CPQ: variants seen among roughly 807,000 people sequenced by gnomAD.
CPQ encodes the protein carboxypeptidase Q, also known as Ser-Met dipeptidase.
In CPQ, 37 loss-of-function variants were observed where a neutral mutation model predicts 45.7. The ratio of observed to expected loss-of-function variants is 0.81; its 90% CI spans 0.62 to 1.07. The LOEUF (loss-of-function observed/expected upper bound fraction) is 1.07, where lower values mean the gene tolerates loss of function less well. Among genes scored for constraint, CPQ ranks in the 50% least tolerant of loss-of-function variants. CPQ has a pLI of 0.00. For missense variants in CPQ, 537 were observed against 572.9 expected (o/e 0.94, Z 0.64); for synonymous variants, 186 against 205.8 (o/e 0.90, Z 0.82).
intron 7 of CPQ, among the ~76,000 whole-genome samples, chr8:97,125,837 T>C (rs1811837708): frequency 6.6e-6 from 1 of 152,176 alleles, no homozygotes; most frequent in Admixed American, 6.5e-5. Context: ...ACCACTTCTA[T>C]TTAAACATCA....
chr8:96,887,310 A>G (rs1315757570), intron 4 of CPQ, among the ~76,000 whole-genome samples: 1 of 152,222 alleles, frequency 6.6e-6, no homozygotes, highest in Non-Finnish European at 1.5e-5. Context: ...ATGATCAGTG[A>G]TAACATCTTA....
At chr8:96,783,542 A>C (rs1422340988) in intron 1 of CPQ, among the ~76,000 whole-genome samples, 1 of 152,148 alleles carries the variant, frequency 6.6e-6, no homozygotes, top group Non-Finnish European at 1.5e-5. Context: ...TCCTGAATAC[A>C]TTTTGAAAGT....
chr8:97,084,906 A>G (rs1811015304), intron 7 of CPQ, among the ~76,000 whole-genome samples: 1 of 151,674 alleles, frequency 6.6e-6, no homozygotes, highest in Non-Finnish European at 1.5e-5. Flanking sequence ...TCTCTTACCC[A>G]TCTACACACC....
intron 7 of CPQ, among the ~76,000 whole-genome samples, chr8:97,074,486 G>A (rs926655718): frequency 2.0e-5 from 3 of 152,038 alleles, no homozygotes; most frequent in African/African-American, 7.2e-5. Context: ...TATAAGAATG[G>A]ACAGGCCAGG....
intron 4 of CPQ, among the ~76,000 whole-genome samples, chr8:96,923,339 AG>A (rs1200130103): frequency 1.3e-5 from 2 of 152,192 alleles, no homozygotes; most frequent in Non-Finnish European, 2.9e-5. Flanking sequence ...AACCCCCATT[AG>A]CCCATGAAAT....
chr8:97,099,215 C>T (rs1052660589), intron 7 of CPQ, among the ~76,000 whole-genome samples: 1 of 139,804 alleles, frequency 7.2e-6, no homozygotes, highest in African/African-American at 2.6e-5. Flanking sequence ...ACTGCAACAT[C>T]CACCTCCCAG....
chr8:96,883,610 C>A (rs1028762319), intron 4 of CPQ, among the ~76,000 whole-genome samples: 1 of 152,184 alleles, frequency 6.6e-6, no homozygotes, highest in Non-Finnish European at 1.5e-5. Context: ...TGCATTCTAG[C>A]TGGCCTGGAA....
chr8:96,694,241 TA>T (rs1264198424), intron 1 of CPQ, among the ~76,000 whole-genome samples: 5 of 151,008 alleles, frequency 3.3e-5, no homozygotes, highest in South Asian at 2.1e-4. Context: ...AAACAAATAA[TA>T]AAATGGCAGG....
At chr8:97,123,367 A>G (rs995113218) in intron 7 of CPQ, among the ~76,000 whole-genome samples, 4 of 149,918 alleles carry the variant, frequency 2.7e-5, no homozygotes, top group African/African-American at 9.7e-5. Context: ...ATAATGATAT[A>G]ATAGGAAAAA....
At chr8:96,955,659 C>G (rs746471023) in intron 4 of CPQ, among the ~76,000 whole-genome samples, 2 of 152,176 alleles carry the variant, frequency 1.3e-5, no homozygotes, top group Non-Finnish European at 2.9e-5. Context: ...CAGCATGGTA[C>G]TGGTACCAAA....
chr8:96,916,170 A>T (rs974303369), intron 4 of CPQ, among the ~76,000 whole-genome samples: 2 of 152,188 alleles, frequency 1.3e-5, no homozygotes, highest in African/African-American at 4.8e-5. Flanking sequence ...TCTTGCCAAT[A>T]CATCTTTTAA....
At chr8:97,123,177 T>TAAAATAAAATATAAA (rs1395817726) in intron 7 of CPQ, among the ~76,000 whole-genome samples, 2 of 23,732 alleles carry the variant, frequency 8.4e-5, no homozygotes, top group South Asian at 8.2e-4. Context: ...TAAAATAAAA[T>TAAAATAAAATATAAA]ATAAAATAAA....
At chr8:96,693,442 T>C (rs995543138) in intron 1 of CPQ, among the ~76,000 whole-genome samples, 10 of 151,776 alleles carry the variant, frequency 6.6e-5, no homozygotes, top group African/African-American at 2.4e-4. Flanking sequence ...AGGTCAAGTA[T>C]AAAGAAAGGA....
chr8:96,844,914 T>C (rs1586423634), intron 3 of CPQ, among the ~76,000 whole-genome samples: 1 of 152,328 alleles, frequency 6.6e-6, no homozygotes, highest in East Asian at 1.9e-4. Context: ...ATGCTTGATA[T>C]TGTTCTTGCA....
At chr8:96,831,027 A>T (rs1811451072) in intron 2 of CPQ, among the ~76,000 whole-genome samples, 1 of 152,186 alleles carries the variant, frequency 6.6e-6, no homozygotes, top group South Asian at 2.1e-4. Context: ...CTTCATAATA[A>T]CTACTTTGCA....
At chr8:96,873,303 T>C (rs1341784436) in intron 3 of CPQ, among the ~76,000 whole-genome samples, 2 of 151,502 alleles carry the variant, frequency 1.3e-5, no homozygotes, top group African/African-American at 4.9e-5. Flanking sequence ...CTTGAGCAGA[T>C]TTCTTTTCCT....
intron 5 of CPQ, among the ~76,000 whole-genome samples, chr8:96,968,131 A>C (rs1452064570): frequency 1.3e-5 from 2 of 152,186 alleles, no homozygotes; most frequent in Non-Finnish European, 2.9e-5. Context: ...TACTAATGTA[A>C]CTTTAGGGCC....
chr8:96,914,589 A>G (rs1316939642), intron 4 of CPQ, among the ~76,000 whole-genome samples: 2 of 152,114 alleles, frequency 1.3e-5, no homozygotes, highest in Non-Finnish European at 2.9e-5. Context: ...TCTTTTTTCC[A>G]TTAAACGTCT....
chr8:97,098,132 G>A (rs922688598), intron 7 of CPQ, among the ~76,000 whole-genome samples: 9 of 152,140 alleles, frequency 5.9e-5, no homozygotes, highest in African/African-American at 2.2e-4. Flanking sequence ...GGAGAGAGTT[G>A]GGGATACATA....
Sources: gnomAD v4.1 joint callset for allele counts (sites outside exome capture counted in the v4.1 genomes callset) on GRCh38, gnomAD v4.1.1 for gene constraint, MANE v1.5 for transcripts, NCBI Gene and HGNC (gene_info 2026-07-23, HGNC 2026-07-21) for gene names.